Variants in SLC22A9 observed in about 807,000 individuals in gnomAD.
The protein encoded by SLC22A9 is organic anion transporter 7.
In SLC22A9, 64 loss-of-function variants were observed where a neutral mutation model predicts 50.1. The ratio of observed to expected loss-of-function variants is 1.28; its 90% confidence interval spans 1.04 to 1.57. SLC22A9 has a LOEUF of 1.57. Ranked by LOEUF, SLC22A9 falls within the 40% of genes most tolerant of loss-of-function variation. The pLI, the probability that SLC22A9 is intolerant of heterozygous loss-of-function variation, is 0.00. For missense variants in SLC22A9, 757 were observed against 676.1 expected (o/e 1.12, Z -1.33); for synonymous variants, 261 against 242.5 (o/e 1.08, Z -0.71).
chr11:63,386,275 G>C (rs918543340), intron 6 of SLC22A9, among the ~76,000 whole-genome samples: 1 of 151,808 alleles, frequency 6.6e-6, no homozygotes, highest in Non-Finnish European at 1.5e-5. Flanking sequence ...ATTCCTGCCA[G>C]GTTTTTATCC....
chr11:63,394,063 C>T (rs911712403), intron 6 of SLC22A9, among the ~76,000 whole-genome samples: 4 of 151,986 alleles, frequency 2.6e-5, no homozygotes, highest in African/African-American at 9.7e-5. Flanking sequence ...CTCTGATATC[C>T]TTTCTTCCGT....
chr11:63,399,795 C>T (rs1022356889), intron 6 of SLC22A9, among the ~76,000 whole-genome samples: 5 of 152,020 alleles, frequency 3.3e-5, no homozygotes, highest in African/African-American at 1.2e-4. Context: ...CATGTTAGAA[C>T]ACAAAAACTT....
At chr11:63,409,382 A>G (rs1354069221) in intron 9 of SLC22A9, among the ~76,000 whole-genome samples, 1 of 152,154 alleles carries the variant, frequency 6.6e-6, no homozygotes, top group African/African-American at 2.4e-5. Flanking sequence ...ACAGTGGAAT[A>G]AGAATTGTCT....
At chr11:63,381,803 G>T (rs2014565758) in intron 5 of SLC22A9, among the ~76,000 whole-genome samples, 1 of 152,122 alleles carries the variant, frequency 6.6e-6, no homozygotes, top group Non-Finnish European at 1.5e-5. Flanking sequence ...TGGGGACCAT[G>T]TGGTCCAAAT....
At chr11:63,395,109 GCTAT>G (rs2014830938) in intron 6 of SLC22A9, among the ~76,000 whole-genome samples, 1 of 151,666 alleles carries the variant, frequency 6.6e-6, no homozygotes, top group Admixed American at 6.6e-5. Context: ...TTTTCTTTAT[GCTAT>G]CTATTTCCTT....
Position 63,371,151 on chromosome 11 carries a change from A to C in SLC22A9, c.419A>C (p.Asp140Ala). ...TIVTEWDLVC[D>A]SQSLTSVAKF... ...CTCTTCCAGTGGGATCTGGTATGTG[A>C]CTCTCAATCACTGACTTCAGTGGCT... Residue 140 changes from aspartate to alanine, a missense_variant, in exon 2 of 10, where the codon GAC becomes GCC. By Grantham distance (126) the Asp-to-Ala change is moderately radical. Transcript: ENST00000279178. 1 of 1,612,900 alleles carries C rather than the reference A, an allele frequency of 6.2e-7. No homozygotes were observed. Among genetic ancestry groups the C allele is most frequent in the Middle Eastern group, 1.7e-4 (1 of 6,052 alleles).
intron 2 of SLC22A9, among the ~76,000 whole-genome samples, chr11:63,373,377 A>G (rs984463795): frequency 4.6e-5 from 7 of 152,132 alleles, no homozygotes; most frequent in South Asian, 2.1e-4. Flanking sequence ...AAAATGTCCA[A>G]TATTCCACCC....
At chr11:63,402,782 T>C (rs11231453) in intron 6 of SLC22A9, among the ~76,000 whole-genome samples, 3,998 of 152,234 alleles carry the variant, frequency 0.026, 198 homozygotes, top group South Asian at 0.12. Flanking sequence ...TTCTAGCCAT[T>C]ATACCATATT....
intron 1 of SLC22A9, 24 bp from the exon 2 acceptor site, chr11:63,371,111 T>G (rs751641321): frequency 6.4e-7 from 1 of 1,552,666 alleles, no homozygotes; most frequent in African/African-American, 1.4e-5. Flanking sequence ...TAAGCATTGA[T>G]GTGCTGGCTT....
chr11:63,376,550 T>G (rs1342279857), intron 5 of SLC22A9, among the ~76,000 whole-genome samples: 1 of 151,760 alleles, frequency 6.6e-6, no homozygotes, highest in African/African-American at 2.4e-5. Context: ...AAGCTTTTGC[T>G]ATGACAGAGA....
intron 6 of SLC22A9, among the ~76,000 whole-genome samples, chr11:63,390,090 G>C (rs1333307455): frequency 6.6e-6 from 1 of 151,958 alleles, no homozygotes; most frequent in Admixed American, 6.6e-5. Context: ...TTGTCAGATG[G>C]GTAGCTTGCA....
At chr11:63,381,076 T>G (rs1033041874) in intron 5 of SLC22A9, among the ~76,000 whole-genome samples, 1 of 152,170 alleles carries the variant, frequency 6.6e-6, no homozygotes, top group Non-Finnish European at 1.5e-5. Flanking sequence ...TTTATAATGA[T>G]TATTCATAAA....
At chr11:63,391,802 A>T (rs1180839829) in intron 6 of SLC22A9, among the ~76,000 whole-genome samples, 1 of 151,304 alleles carries the variant, frequency 6.6e-6, no homozygotes, top group Non-Finnish European at 1.5e-5. Context: ...CATTTACCTT[A>T]TATGTTATTA....
At chr11:63,396,367 T>TC (rs1309600385) in intron 6 of SLC22A9, among the ~76,000 whole-genome samples, 1 of 152,162 alleles carries the variant, frequency 6.6e-6, no homozygotes, top group African/African-American at 2.4e-5. Context: ...CCAGGGCCTT[T>TC]CCTGCTGCTT....
intron 6 of SLC22A9, among the ~76,000 whole-genome samples, chr11:63,399,149 C>T (rs1486950699): frequency 1.3e-5 from 2 of 152,102 alleles, no homozygotes; most frequent in Non-Finnish European, 1.5e-5. Flanking sequence ...ATATAGAGGA[C>T]TTACAAAGTA....
intron 6 of SLC22A9, among the ~76,000 whole-genome samples, chr11:63,385,427 A>G (rs890648355): frequency 1.3e-5 from 2 of 152,152 alleles, no homozygotes; most frequent in Non-Finnish European, 2.9e-5. Context: ...ATCCATGAAG[A>G]TGGAATGTTT....
chr11:63,409,008 G>T (rs753789150), intron 9 of SLC22A9, 129 bp downstream of exon 9: 3 of 983,076 alleles, frequency 3.1e-6, no homozygotes, highest in Admixed American at 1.9e-5. Flanking sequence ...CATGTAATCA[G>T]TGCCTTAGGT....
At chr11:63,396,254 T>C (rs1486276699) in intron 6 of SLC22A9, among the ~76,000 whole-genome samples, 1 of 152,180 alleles carries the variant, frequency 6.6e-6, no homozygotes, top group Non-Finnish European at 1.5e-5. Flanking sequence ...ATTACAAAGT[T>C]CAGCTGCAGA....
At chr11:63,379,173 G>C (rs969246929) in intron 5 of SLC22A9, among the ~76,000 whole-genome samples, 3 of 152,078 alleles carry the variant, frequency 2.0e-5, no homozygotes, top group African/African-American at 7.2e-5. Context: ...AAGACAGAAA[G>C]GTAGACCAAT....
Sources: gnomAD v4.1 joint callset for allele counts (sites outside exome capture counted in the v4.1 genomes callset) on GRCh38, gnomAD v4.1.1 for gene constraint, MANE v1.5 for transcripts, NCBI Gene and HGNC (gene_info 2026-07-23, HGNC 2026-07-21) for gene names.